PCDHGB4: variants seen among roughly 807,000 people sequenced by gnomAD.
PCDHGB4 encodes the protein protocadherin gamma-B4.
A neutral mutation model predicts 60.5 loss-of-function variants in PCDHGB4; 38 were observed. The ratio of observed to expected loss-of-function variants is 0.63; its 90% CI spans 0.48 to 0.82. The LOEUF (loss-of-function observed/expected upper bound fraction) is 0.82. Ranked by LOEUF, PCDHGB4 falls within the 40% of genes least tolerant of loss-of-function variation. PCDHGB4 has a pLI of 0.00. For synonymous variants in PCDHGB4, 456 were observed against 509.7 expected (o/e 0.89, Z 1.42); for missense variants, 1,109 against 1,209.6 (o/e 0.92, Z 1.23).
intron 1 of PCDHGB4, among the ~76,000 whole-genome samples, chr5:141,469,172 A>C (rs1310781965): frequency 6.6e-6 from 1 of 152,050 alleles, no homozygotes; most frequent in Admixed American, 6.6e-5. Context: ...GCTACTTGGG[A>C]GGCTGAGGCA....
At chr5:141,425,173 T>A (rs182492696) in intron 1 of PCDHGB4, among the ~76,000 whole-genome samples, 5 of 152,284 alleles carry the variant, frequency 3.3e-5, no homozygotes, top group Admixed American at 3.3e-4. Context: ...GGATTTATAC[T>A]TGTGGAATTC....
intron 1 of PCDHGB4, chr5:141,405,107 T>A: frequency 6.2e-7 from 1 of 1,613,998 alleles, no homozygotes; most frequent in African/African-American, 1.3e-5. Flanking sequence ...GCTGAGGCAC[T>A]GGCACTCCTC....
At chr5:141,400,500 C>T (rs1025270322) in intron 1 of PCDHGB4, 1 of 1,613,922 alleles carries the variant, frequency 6.2e-7, no homozygotes, top group Non-Finnish European at 8.5e-7. Flanking sequence ...GTAATTCCAG[C>T]GAGTCGACTT....
At chr5:141,413,411 T>TC in intron 1 of PCDHGB4, 1 of 1,614,038 alleles carries the variant, frequency 6.2e-7, no homozygotes, top group Non-Finnish European at 8.5e-7. Flanking sequence ...ACGCAGCTTT[T>TC]CTCTCTGAAC....
intron 1 of PCDHGB4, chr5:141,393,074 G>C (rs775449711): frequency 7.4e-6 from 12 of 1,613,592 alleles, no homozygotes; most frequent in African/African-American, 2.7e-5. Flanking sequence ...TGATCACCGC[G>C]GGCAGGATAG....
intron 2 of PCDHGB4, among the ~76,000 whole-genome samples, chr5:141,496,748 C>T (rs1382244657): frequency 6.6e-6 from 1 of 152,130 alleles, no homozygotes; most frequent in African/African-American, 2.4e-5. Flanking sequence ...ATTTATTCAA[C>T]AAATATTTAT....
chr5:141,494,671 C>T, intron 1 of PCDHGB4, 136 bp from the exon 2 acceptor site: 1 of 1,532,340 alleles, frequency 6.5e-7, no homozygotes, highest in East Asian at 2.4e-5. Context: ...GAGATGAGTC[C>T]ACCCCTGCCC....
chr5:141,396,813 T>C (rs1031435038), intron 1 of PCDHGB4, among the ~76,000 whole-genome samples: 4 of 152,240 alleles, frequency 2.6e-5, no homozygotes, highest in African/African-American at 9.6e-5. Context: ...AGTGTTCTAC[T>C]GTATGGTGCA....
chr5:141,396,695 T>G (rs920549434), intron 1 of PCDHGB4: 1 of 152,226 alleles, frequency 6.6e-6, no homozygotes, highest in Non-Finnish European at 1.5e-5. Context: ...CATACCTTCT[T>G]GTAGCATTTG....
In PCDHGB4 at chr5:141,511,149, G is replaced by T; in HGVS notation, c.2748G>T (p.Lys916Asn). The change falls in exon 4 of 4, where the codon AAG becomes AAT. Residue 916 changes from lysine to asparagine, a missense_variant. By Grantham distance (94) the Lys-to-Asn change is moderately conservative. Transcript: ENST00000519479. ...APAGGNGNKKKSGKKEKK is the reference protein window; with the variant it reads ...APAGGNGNKKNSGKKEKK The stretch of plus-strand genomic sequence containing the variant: ...CAGGTGGCAATGGCAACAAGAAGAA[G>T]TCGGGCAAGAAGGAGAAGAAGTAAC... 1 of 1,614,176 alleles carries T rather than the reference G, an allele frequency of 6.2e-7. No homozygotes were observed. The highest frequency in any genetic ancestry group is 8.5e-7 in the Non-Finnish European group (1 of 1,179,998).
chr5:141,431,053 G>A lies in PCDHGB4; in HGVS notation c.2397+40772G>A, dbSNP rs1208370015. On this transcript the variant is annotated intron_variant, in intron 1 of 3. Coordinates refer to ENST00000519479, the MANE Select transcript of PCDHGB4 (RefSeq NM_003736.4). This position sits in a 1 kb window ranked among gnomAD's most constrained non-coding sequence, Gnocchi z 4.8. ...TAGACCGGGAGGAGCTCTGTATGGG[G>A]GCCATCAAGTGTCAATTAAATCTAG... 1 of 1,614,174 alleles carries A rather than the reference G, an allele frequency of 6.2e-7. No homozygotes were observed. Among genetic ancestry groups the A allele is most frequent in the Admixed American group, 1.7e-5 (1 of 60,030 alleles).
intron 1 of PCDHGB4, chr5:141,398,909 T>A: frequency 6.2e-7 from 1 of 1,613,984 alleles, no homozygotes; most frequent in Non-Finnish European, 8.5e-7. Context: ...GGCACCACTG[T>A]GTTGCAAGTG....
In PCDHGB4 at chr5:141,491,534, G is replaced by A. The variant is rs376996144; in HGVS notation, c.2398-3273G>A. On this transcript the variant is annotated intron_variant, in intron 1 of 3. Coordinates refer to ENST00000519479, the MANE Select transcript of PCDHGB4 (RefSeq NM_003736.4). This position sits in a 1 kb window ranked among gnomAD's most constrained non-coding sequence, Gnocchi z 6.9. The stretch of plus-strand genomic sequence containing the variant: ...CTCAAGTACATGGAGGTGACGCTGC[G>A]GCCCACAGACTCGCAGAGCCACTGC... The A allele has an allele frequency of 6.2e-7, 1 of 1,614,030 alleles. No homozygotes were observed. The highest frequency in any genetic ancestry group is 8.5e-7 in the Non-Finnish European group (1 of 1,180,028).
intron 1 of PCDHGB4, among the ~76,000 whole-genome samples, chr5:141,437,842 A>G (rs1372385076): frequency 2.0e-5 from 3 of 150,650 alleles, no homozygotes; most frequent in East Asian, 3.9e-4. Context: ...GGTTCATGCT[A>G]TTCTCCTGCC....
chr5:141,489,348 G>T lies in PCDHGB4; in HGVS notation c.2398-5459G>T. On this transcript the variant is annotated intron_variant, in intron 1 of 3. Coordinates refer to ENST00000519479, the MANE Select transcript of PCDHGB4 (RefSeq NM_003736.4). The surrounding 1 kb of genome is among the most constrained non-coding windows in gnomAD (Gnocchi z 4.5). ...CTGGGCAGCTTCGTTACTCAGTGGT[G>T]GAGGAGTCTGAGCCGGGGACGCTGG... is the stretch of plus-strand genomic sequence containing the variant. 1 of 1,611,876 alleles carries T rather than the reference G, an allele frequency of 6.2e-7. No homozygotes were observed. The highest frequency in any genetic ancestry group is 8.5e-7 in the Non-Finnish European group (1 of 1,178,502).
At chr5:141,399,341 C>T in intron 1 of PCDHGB4, 2 of 1,613,938 alleles carry the variant, frequency 1.2e-6, no homozygotes, top group Non-Finnish European at 1.7e-6. Context: ...ACAGATGGAA[C>T]CCTAGACCGA....
At chr5:141,453,495 C>T (rs1490576605) in intron 1 of PCDHGB4, among the ~76,000 whole-genome samples, 1 of 151,968 alleles carries the variant, frequency 6.6e-6, no homozygotes, top group Admixed American at 6.6e-5. Flanking sequence ...AAAAGGTGTA[C>T]TCAGAAAATT....
chr5:141,491,544 C>G lies in PCDHGB4; in HGVS notation c.2398-3263C>G, dbSNP rs546391464. The G allele has an allele frequency of 1.1e-5, 17 of 1,614,018 alleles. No individual in the cohort carries two copies. In the Admixed American group the frequency reaches 1.8e-4, roughly 17 times the overall value. Reference sequence around the variant, plus strand: ...TGGAGGTGACGCTGCGGCCCACAGACTCGCAGAGCCACTGCTACAGGACGT... The same window carrying G: ...TGGAGGTGACGCTGCGGCCCACAGAGTCGCAGAGCCACTGCTACAGGACGT... On this transcript the variant is annotated intron_variant, in intron 1 of 3. Transcript: ENST00000519479. The surrounding 1 kb of genome is among the most constrained non-coding windows in gnomAD (Gnocchi z 6.9).
chr5:141,483,869 G>A (rs2099587910), intron 1 of PCDHGB4, among the ~76,000 whole-genome samples: 1 of 152,126 alleles, frequency 6.6e-6, no homozygotes, highest in South Asian at 2.1e-4. Flanking sequence ...GTCCAGATCA[G>A]GATGGATTTT....
Sources: gnomAD v4.1 joint callset for allele counts (sites outside exome capture counted in the v4.1 genomes callset) on GRCh38, gnomAD v4.1.1 for gene constraint, Gnocchi (gnomAD v3.1) non-coding constraint, MANE v1.5 for transcripts, NCBI Gene and HGNC (gene_info 2026-07-23, HGNC 2026-07-21) for gene names.